Variants in SCAPER observed in about 807,000 individuals in gnomAD.
SCAPER encodes the protein S phase cyclin A-associated protein in the endoplasmic reticulum.
In SCAPER, 98 loss-of-function variants were observed where a neutral mutation model predicts 182.2. The ratio of observed to expected loss-of-function variants is 0.54; its 90% CI spans 0.46 to 0.64. The LOEUF (loss-of-function observed/expected upper bound fraction) is 0.64, where lower values mean the gene tolerates loss of function less well. Ranked by LOEUF, SCAPER falls within the 30% of genes least tolerant of loss-of-function variation. The probability of loss-of-function intolerance (pLI) is 0.00; values close to 1 mark genes in which losing one functional copy is unlikely to be tolerated. For synonymous variants in SCAPER, 605 were observed against 564.6 expected, an observed-to-expected ratio of 1.07 and a Z score of -1.01; for missense variants, 1,432 against 1,690.0, an observed-to-expected ratio of 0.85 and a Z score of 2.68.
rs77102342 is a variant in SCAPER at position 76,398,365 on chromosome 15, T to C, written c.3467+6159A>G. On this transcript the variant is annotated intron_variant, in intron 27 of 31. Transcript: ENST00000563290. ...ACTCTCTGTCTTGTACTGTAGATAGTTGTATAGGCATCTTTTTCCCCCTAC... is the reference window on the plus strand; with the variant it reads ...ACTCTCTGTCTTGTACTGTAGATAGCTGTATAGGCATCTTTTTCCCCCTAC... Among the ~76,000 whole-genome samples the C allele has an allele frequency of 5.4e-3, 817 of 152,306 alleles. 7 individuals are homozygous for C. The highest frequency in any genetic ancestry group is 0.019 in the African/African-American group (790 of 41,560).
chr15:76,820,013 G>A (rs1195768481), intron 5 of SCAPER, among the ~76,000 whole-genome samples: 2 of 152,194 alleles, frequency 1.3e-5, no homozygotes, highest in Non-Finnish European at 2.9e-5. Context: ...GGACATCAGA[G>A]AAATGCAAAT....
intron 27 of SCAPER, among the ~76,000 whole-genome samples, chr15:76,396,036 T>C (rs1339977574): frequency 6.6e-6 from 1 of 152,218 alleles, no homozygotes; most frequent in South Asian, 2.1e-4. Flanking sequence ...AGGGGTCTAG[T>C]TTCATTCTTC....
At chr15:76,477,590 A>G (rs900759820) in intron 24 of SCAPER, among the ~76,000 whole-genome samples, 2 of 152,148 alleles carry the variant, frequency 1.3e-5, no homozygotes, top group African/African-American at 4.8e-5. Context: ...ACTGCCCTCC[A>G]GAAAAAAAAT....
chr15:76,768,839 A>T (rs7359321), intron 10 of SCAPER, among the ~76,000 whole-genome samples: 131,989 of 150,150 alleles, frequency 0.88, 58,438 homozygotes, highest in East Asian at 0.96. Context: ...AAAAAAAAAA[A>T]ATATATATAT....
intron 8 of SCAPER, among the ~76,000 whole-genome samples, chr15:76,794,820 A>C (rs1203010780): frequency 6.6e-6 from 1 of 152,158 alleles, no homozygotes; most frequent in African/African-American, 2.4e-5. Flanking sequence ...TCCCTCTTCT[A>C]ATTATTTGTA....
At position 76,348,719 on chromosome 15, in the gene SCAPER, G is replaced by A; in HGVS notation, c.4117C>T (p.Gln1373Ter). 6.5e-7 allele frequency: 1 copy of A among 1,536,634 alleles called. No individual in the cohort carries two copies. The highest frequency in any genetic ancestry group is 1.2e-5 in the South Asian group (1 of 80,226). ...YQPKGKCLGS[Q>*]DYLELANRFP... ...CTGTTAGCCAGCTCAAGATAGTCTT[G>A]GGAACCAAGGCATTTCCCTGAGAGG... The change falls in exon 32 of 32, where the codon CAA becomes TAA. Residue 1373 changes from glutamine (Q) to a stop codon, truncating the protein, a stop_gained. Transcript: ENST00000563290. LOFTEE classifies it high-confidence loss of function.
At chr15:76,361,977 AT>A (rs879355870) in intron 29 of SCAPER, among the ~76,000 whole-genome samples, 3,144 of 143,464 alleles carry the variant, frequency 0.022, 70 homozygotes, top group African/African-American at 0.063. Context: ...TGTTAAACAC[AT>A]TTTTTTTTTT....
rs1252293130 is a variant in SCAPER, at chr15:76,603,268, G to A, written c.2711+18496C>T. ...TTCTCATTGTTCAATTCCCACCTAT[G>A]AGCGAGAACATGCGGTGTTTTTTTG... On this transcript the variant is annotated intron_variant, in intron 22 of 31. Coordinates refer to ENST00000563290, the MANE Select transcript of SCAPER (RefSeq NM_020843.4). Among the ~76,000 whole-genome samples, 4 of 118,504 alleles carry A rather than the reference G, an allele frequency of 3.4e-5. 2 individuals carry two copies. Among genetic ancestry groups the A allele is most frequent in the Non-Finnish European group, 8.1e-5 (4 of 49,102 alleles). The allele number at this position is 118,504 out of a possible 152,430, so 77.7% of individuals were successfully genotyped here.
At chr15:76,852,451 C>T (rs190900851) in intron 4 of SCAPER, among the ~76,000 whole-genome samples, 1 of 152,048 alleles carries the variant, frequency 6.6e-6, no homozygotes, top group East Asian at 1.9e-4. Context: ...TAAAACAATC[C>T]TCAGCAAATG....
At chr15:76,420,235 CTTTTTT>C (rs71143323) in intron 26 of SCAPER, among the ~76,000 whole-genome samples, 10 of 116,918 alleles carry the variant, frequency 8.6e-5, no homozygotes, top group South Asian at 2.9e-4. Flanking sequence ...ATGTTTTTTC[CTTTTTT>C]TTTTTTTTTT....
chr15:76,363,482 C>A (rs2141758404), intron 29 of SCAPER, among the ~76,000 whole-genome samples: 1 of 152,218 alleles, frequency 6.6e-6, no homozygotes, highest in Middle Eastern at 3.4e-3. Flanking sequence ...TAGGGTAGGG[C>A]AGAAGCAGCT....
At chr15:76,374,869 A>G (rs1404517835) in intron 29 of SCAPER, among the ~76,000 whole-genome samples, 1 of 152,114 alleles carries the variant, frequency 6.6e-6, no homozygotes. Flanking sequence ...TTTCAAAGAT[A>G]AAGAGAAATA....
intron 21 of SCAPER, among the ~76,000 whole-genome samples, chr15:76,650,537 C>A (rs1463861855): frequency 6.6e-6 from 1 of 151,594 alleles, no homozygotes; most frequent in Non-Finnish European, 1.5e-5. Context: ...CTGGAAAAAA[C>A]CTGAAGGAAG....
intron 15 of SCAPER, among the ~76,000 whole-genome samples, chr15:76,748,436 T>A (rs1404105894): frequency 1.3e-5 from 2 of 152,104 alleles, no homozygotes; most frequent in African/African-American, 2.4e-5. Context: ...TAAATCTTCA[T>A]GATCTTGGAT....
At chr15:76,904,462 G>A (rs1265414926) in intron 1 of SCAPER, among the ~76,000 whole-genome samples, 23 of 152,172 alleles carry the variant, frequency 1.5e-4, no homozygotes, top group Admixed American at 1.5e-3. Flanking sequence ...AATAAGAGAT[G>A]CAGTCCACCA....
chr15:76,678,477 G>A (rs916171287), intron 20 of SCAPER, among the ~76,000 whole-genome samples: 2 of 151,956 alleles, frequency 1.3e-5, no homozygotes, highest in Admixed American at 6.6e-5. Context: ...TGCCCAGCAC[G>A]ACAACAAATA....
intron 25 of SCAPER, among the ~76,000 whole-genome samples, chr15:76,438,177 G>A (rs982884607): frequency 1.3e-5 from 2 of 151,672 alleles, no homozygotes; most frequent in Admixed American, 1.3e-4. Context: ...AGCTCCTCGG[G>A]AGGCTGAGGC....
intron 22 of SCAPER, among the ~76,000 whole-genome samples, chr15:76,608,808 T>C (rs2050707779): frequency 6.6e-6 from 1 of 152,128 alleles, no homozygotes; most frequent in South Asian, 2.1e-4. Context: ...TCCGTTGGGG[T>C]AGGACCCTCT....
At chr15:76,654,368 A>T (rs1271131138) in intron 21 of SCAPER, among the ~76,000 whole-genome samples, 1 of 152,186 alleles carries the variant, frequency 6.6e-6, no homozygotes, top group African/African-American at 2.4e-5. Context: ...AGATCACACC[A>T]CTGCACTCCA....
Sources: allele counts gnomAD v4.1 joint callset (sites outside exome capture counted in the v4.1 genomes callset), GRCh38; gene constraint gnomAD v4.1.1; transcripts MANE v1.5; gene names NCBI Gene and HGNC (gene_info 2026-07-23, HGNC 2026-07-21).